Variants in UBN1 observed in about 807,000 individuals in gnomAD.
The protein encoded by UBN1 is ubinuclein-1.
UBN1 carries 17 observed loss-of-function variants against 108.5 expected under a neutral mutation model. The ratio of observed to expected loss-of-function variants is 0.16; its 90% CI spans 0.11 to 0.24. The LOEUF (loss-of-function observed/expected upper bound fraction) is 0.24, where lower values mean the gene tolerates loss of function less well. Among genes scored for constraint, UBN1 ranks in the 10% least tolerant of loss-of-function variants. UBN1 has a pLI of 1.00. For synonymous variants in UBN1, 726 were observed against 564.2 expected (o/e 1.29, Z -4.07); for missense variants, 1,595 against 1,394.4 (o/e 1.14, Z -2.29).
intron 7 of UBN1, 150 bp downstream of exon 7, chr16:4,861,252 G>A (rs1193203650): frequency 3.3e-6 from 3 of 910,488 alleles, no homozygotes; most frequent in Non-Finnish European, 4.8e-6. Flanking sequence ...TCATCCTGAG[G>A]GAGAAAACAG....
intron 2 of UBN1, among the ~76,000 whole-genome samples, chr16:4,857,213 A>T (rs950199067): frequency 3.3e-5 from 5 of 151,814 alleles, no homozygotes; most frequent in Non-Finnish European, 5.9e-5. Context: ...AGCTAGGCAT[A>T]GTGTTGTATG....
rs112454210 is a variant in UBN1, at chr16:4,877,250, C to G, written c.3266-135C>G. On this transcript the variant is annotated intron_variant, in intron 16 of 17. Coordinates refer to ENST00000262376, the MANE Select transcript of UBN1 (RefSeq NM_001079514.3). The surrounding 1 kb of genome is among the most constrained non-coding windows in gnomAD (Gnocchi z 4.3). ...ACATCTCCGGGAACTGTGCCAAGCC[C>G]CCACTGCCCCTTTGGGTGTGGTGCC... 7.3e-6 allele frequency: 11 copies of G among 1,510,178 alleles called. No homozygotes were observed. The African/African-American group carries it at 8.3e-5, about 11-fold the overall frequency. The allele number at this position is 1,510,178 out of a possible 1,614,324, so 93.5% of individuals were successfully genotyped here. A position where few individuals can be genotyped will look rare whatever the true frequency, so the allele number is the denominator to read the frequency against.
intron 7 of UBN1, among the ~76,000 whole-genome samples, chr16:4,862,720 C>G (rs540706012): frequency 6.6e-6 from 1 of 152,344 alleles, no homozygotes; most frequent in South Asian, 2.1e-4. Context: ...TGAAAACTTA[C>G]TGTTTCACTT....
Position 4,876,902 on chromosome 16 carries a change from G to A in UBN1, c.3056G>A (p.Gly1019Asp), listed in dbSNP as rs745551354. The A allele has an allele frequency of 7.4e-6, 12 of 1,612,484 alleles. No individual in the cohort carries two copies. The highest frequency in any genetic ancestry group is 4.2e-6 in the Non-Finnish European group (5 of 1,179,220). ...GCGAGTGGGACTGTGCTGCTGGCCGGCTCCTCTTTGATGGCTTCACCCTAC... is the reference window on the plus strand; with the variant it reads ...GCGAGTGGGACTGTGCTGCTGGCCGACTCCTCTTTGATGGCTTCACCCTAC... ...KGASGTVLLA[G>D]SSLMASPYKS... The change falls in exon 16 of 18, where the codon GGC becomes GAC. Residue 1019 changes from glycine (G) to aspartate (D), a missense_variant. Transcript: ENST00000262376.
chr16:4,858,868 C>T (rs1345401298), intron 4 of UBN1, 157 bp from the exon 5 acceptor site: 3 of 1,085,330 alleles, frequency 2.8e-6, no homozygotes, highest in South Asian at 3.0e-5. Flanking sequence ...CTGTCCAAAA[C>T]ACCTTGTAGC....
chr16:4,870,907 T>G lies in UBN1; in HGVS notation c.1494T>G (p.Asp498Glu). 1 of 1,613,750 alleles carries G rather than the reference T, an allele frequency of 6.2e-7. No homozygotes were observed. The highest frequency in any genetic ancestry group is 1.1e-5 in the South Asian group (1 of 91,052). ...GGATTTGTTCGGATGAGGAAGAAGA[T>G]GAAGAAAAAGGGGGCAGGAGGATAA... ...RDRICSDEEE[D>E]EEKGGRRIMG... Residue 498 changes from aspartate to glutamate, a missense_variant, in exon 11 of 18, where the codon GAT (aspartate) becomes GAG (glutamate). Physicochemically the swap from Asp to Glu is conservative, Grantham distance 45 (BLOSUM62 2). Around this residue, in one of 3 missense-constraint regions of UBN1, gnomAD observed 1,398 missense variants for 1,194.7 expected, o/e 1.17. Coordinates refer to ENST00000262376, the MANE Select transcript of UBN1 (RefSeq NM_001079514.3).
rs144714293 is a variant in UBN1, at chr16:4,872,060, C to T, written c.1706+759C>T. On this transcript the variant is annotated intron_variant, in intron 12 of 17. Coordinates refer to ENST00000262376, the MANE Select transcript of UBN1 (RefSeq NM_001079514.3). ...CTACCTTGTACGAAGTCACTTCCTG[C>T]GAATGAAGTATTTGTGTCATACATG... 4.5e-5 allele frequency: 19 copies of T among 422,728 alleles called. No individual in the cohort carries two copies. In the East Asian group the frequency reaches 1.9e-3, roughly 42 times the overall value. The allele number at this position is 422,728 out of a possible 1,614,324, so 26.2% of individuals were successfully genotyped here.
chr16:4,858,788 C>T (rs1389192844), intron 4 of UBN1, 125 bp downstream of exon 4: 18 of 993,580 alleles, frequency 1.8e-5, no homozygotes, highest in African/African-American at 3.2e-5. Flanking sequence ...GCAGTAGCAG[C>T]ACTGATGAGA....
At position 4,870,571 on chromosome 16, in the gene UBN1, T is replaced by G; in HGVS notation, c.1367T>G (p.Met456Arg). ...QKLKEAIGRAMPEQMAKYQDE... is the reference protein window; with the variant it reads ...QKLKEAIGRARPEQMAKYQDE... ...CTCAAGGAAGCCATTGGCAGGGCGA[T>G]GCCAGAGCAGATGGCCAAGTACCAG... The change falls in exon 10 of 18, where the codon ATG becomes AGG. Residue 456 changes from methionine to arginine, a missense_variant. Met to Arg is a moderately conservative substitution (Grantham distance 91, BLOSUM62 -1). Around this residue, in one of 3 missense-constraint regions of UBN1, gnomAD observed 1,398 missense variants for 1,194.7 expected, o/e 1.17. Coordinates refer to ENST00000262376, the MANE Select transcript of UBN1 (RefSeq NM_001079514.3). 1 of 1,614,268 alleles carries G rather than the reference T, an allele frequency of 6.2e-7. No homozygotes were observed. Among genetic ancestry groups the G allele is most frequent in the Non-Finnish European group, 8.5e-7 (1 of 1,180,046 alleles).
Position 4,875,292 on chromosome 16 carries a change from C to T in UBN1, c.2882C>T (p.Ser961Phe), listed in dbSNP as rs749411875. 1.9e-6 allele frequency: 3 copies of T among 1,614,234 alleles called. No individual in the cohort carries two copies. The highest frequency in any genetic ancestry group is 2.2e-5 in the South Asian group (2 of 91,084). Residue 961 changes from serine to phenylalanine, a missense_variant, in exon 15 of 18, where the codon TCC becomes TTC. Ser to Phe is a radical substitution (Grantham distance 155). Around this residue, in one of 3 missense-constraint regions of UBN1, gnomAD observed 1,398 missense variants for 1,194.7 expected, o/e 1.17. Transcript: ENST00000262376. Reference protein sequence around the residue: ...PSSAGKKMPVSQKLTLVAPPG... With the variant: ...PSSAGKKMPVFQKLTLVAPPG... ...TCAGCAGGGAAAAAAATGCCTGTTT[C>T]CCAGAAGTTGACTCTGGTAGCCCCT...
chr16:4,854,868 G>A (rs575822663), intron 2 of UBN1, among the ~76,000 whole-genome samples: 2 of 151,892 alleles, frequency 1.3e-5, no homozygotes, highest in African/African-American at 2.4e-5. Context: ...GACTACAGGC[G>A]CCCGCCACCA....
intron 8 of UBN1, among the ~76,000 whole-genome samples, chr16:4,869,890 T>A (rs931480869): frequency 4.6e-5 from 7 of 152,192 alleles, no homozygotes; most frequent in Admixed American, 3.9e-4. Context: ...AAGTAACTCA[T>A]GACTTTCCAC....
At chr16:4,863,190 G>A (rs1167859536) in intron 7 of UBN1, among the ~76,000 whole-genome samples, 1 of 152,136 alleles carries the variant, frequency 6.6e-6, no homozygotes, top group Non-Finnish European at 1.5e-5. Flanking sequence ...ACTGTTTTCT[G>A]CCTTTTTACG....
chr16:4,855,435 T>A (rs941267555), intron 2 of UBN1, among the ~76,000 whole-genome samples: 2 of 151,818 alleles, frequency 1.3e-5, no homozygotes, highest in Non-Finnish European at 2.9e-5. Flanking sequence ...GGCAACATAG[T>A]GAAACTCCAT....
At chr16:4,851,394 G>T (rs2086549939) in intron 1 of UBN1, among the ~76,000 whole-genome samples, 1 of 152,158 alleles carries the variant, frequency 6.6e-6, no homozygotes, top group Non-Finnish European at 1.5e-5. Flanking sequence ...AGGCCTCAGT[G>T]AGCTGAGATT....
chr16:4,872,264 T>C (rs2087680371), intron 12 of UBN1: 2 of 985,232 alleles, frequency 2.0e-6, no homozygotes, highest in Admixed American at 1.2e-4. Flanking sequence ...ATTTTATTCC[T>C]GGAATGGAGG....
At position 4,877,791 on chromosome 16, in the gene UBN1, T is replaced by A; in HGVS notation, c.3355+317T>A. The A allele has an allele frequency of 1.9e-6, 2 of 1,043,358 alleles. No homozygotes were observed. Among genetic ancestry groups the A allele is most frequent in the Non-Finnish European group, 1.1e-6 (1 of 872,444 alleles). The allele number at this position is 1,043,358 out of a possible 1,614,324, so 64.6% of individuals were successfully genotyped here. A position where few individuals can be genotyped will look rare whatever the true frequency, so the allele number is the denominator to read the frequency against. On this transcript the variant is annotated intron_variant, in intron 17 of 17. Transcript: ENST00000262376. The surrounding 1 kb of genome is among the most constrained non-coding windows in gnomAD (Gnocchi z 4.3). ...CTAACCCTCGGCTTGTTTTTTTCTC[T>A]TCAGTTTAAAAAAAAAAAAAAAGGG...
intron 7 of UBN1, 30 bp downstream of exon 7, chr16:4,861,132 C>A: frequency 6.3e-7 from 1 of 1,585,948 alleles, no homozygotes; most frequent in Non-Finnish European, 8.6e-7. Flanking sequence ...CTGGGCTTTC[C>A]TGGAAGCAGT....
intron 17 of UBN1, among the ~76,000 whole-genome samples, chr16:4,878,294 C>T (rs1181394928): frequency 2.0e-5 from 3 of 152,110 alleles, no homozygotes; most frequent in African/African-American, 2.4e-5. Context: ...ACTGTAGACC[C>T]GCTTCAGACA....
Sources: allele counts gnomAD v4.1 joint callset (sites outside exome capture counted in the v4.1 genomes callset), GRCh38; gene constraint gnomAD v4.1.1; regional missense constraint gnomAD v4.1.1; non-coding constraint Gnocchi (gnomAD v3.1); transcripts MANE v1.5; gene names NCBI Gene and HGNC (gene_info 2026-07-23, HGNC 2026-07-21).